HPSE2: variants seen among roughly 807,000 people sequenced by gnomAD.
HPSE2 encodes inactive heparanase-2.
In HPSE2, 38 loss-of-function variants were observed where a neutral mutation model predicts 60.5. The observed-to-expected ratio is 0.63, with a 90% CI of 0.48 to 0.82. HPSE2 has a LOEUF of 0.82. HPSE2 is among the 40% of genes least tolerant of loss of function. The pLI is 0.00. For missense variants in HPSE2, 713 were observed against 740.4 expected (o/e 0.96, Z 0.43); for synonymous variants, 295 against 293.2 (o/e 1.01, Z -0.06).
At chr10:99,179,839 T>C (rs1847688325) in intron 2 of HPSE2, among the ~76,000 whole-genome samples, 1 of 151,290 alleles carries the variant, frequency 6.6e-6, no homozygotes, top group African/African-American at 2.4e-5. Flanking sequence ...GCTGGAGGCA[T>C]CACACTACTT....
Position 98,721,769 on chromosome 10 carries a change from C to T in HPSE2, c.844G>A (p.Asp282Asn), listed in dbSNP as rs748986825. The T allele has an allele frequency of 6.2e-7, 1 of 1,613,670 alleles. No individual in the cohort carries two copies. The highest frequency in any genetic ancestry group is 8.5e-7 in the Non-Finnish European group (1 of 1,179,864). ...AACAGGCTCTTCAGCTGGATGTAAT[C>T]CTTTCCCAACTGGCTGCCATTTACT... The part of the protein sequence containing the change: ...RAVNGSQLGK[D>N]YIQLKSLLQP... Residue 282 changes from aspartate to asparagine, a missense_variant, in exon 5 of 12, where the codon GAT becomes AAT. Transcript: ENST00000370552.
At chr10:98,853,969 T>C (rs1423433118) in intron 3 of HPSE2, among the ~76,000 whole-genome samples, 1 of 152,210 alleles carries the variant, frequency 6.6e-6, no homozygotes, top group Non-Finnish European at 1.5e-5. Context: ...CTAAGTAGGC[T>C]GATCAGAAGT....
chr10:98,599,346 C>T (rs1945334148), intron 9 of HPSE2, among the ~76,000 whole-genome samples: 1 of 152,174 alleles, frequency 6.6e-6, no homozygotes, highest in Non-Finnish European at 1.5e-5. Context: ...ATCCTGATGG[C>T]TAAGACTGCA....
At chr10:99,266,737 A>G in the HPSE2 span, among the ~76,000 whole-genome samples, 5 of 152,304 alleles carry the variant, frequency 3.3e-5, no homozygotes, top group African/African-American at 1.2e-4. Context: ...AAACCCTGAC[A>G]GAGTCCATTT....
At chr10:99,100,389 T>C (rs1035939188) in intron 3 of HPSE2, among the ~76,000 whole-genome samples, 4 of 152,082 alleles carry the variant, frequency 2.6e-5, no homozygotes, top group African/African-American at 4.8e-5. Context: ...AGAAAGGGTA[T>C]CAGTGACTGA....
intron 9 of HPSE2, among the ~76,000 whole-genome samples, chr10:98,568,787 A>G (rs1944416806): frequency 6.6e-6 from 1 of 152,184 alleles, no homozygotes; most frequent in Non-Finnish European, 1.5e-5. Flanking sequence ...TTGAAGATTA[A>G]TGAGTCACTC....
intron 2 of HPSE2, among the ~76,000 whole-genome samples, chr10:99,196,443 T>C (rs1301783887): frequency 6.6e-6 from 1 of 151,952 alleles, no homozygotes; most frequent in Non-Finnish European, 1.5e-5. Context: ...GTAGAAAACA[T>C]TTACAAACTA....
At chr10:98,800,068 C>T (rs1381487154) in intron 3 of HPSE2, among the ~76,000 whole-genome samples, 1 of 151,780 alleles carries the variant, frequency 6.6e-6, no homozygotes, top group African/African-American at 2.4e-5. Context: ...AGGGAGAAGA[C>T]CCTAATAAAT....
At chr10:98,987,622 T>C (rs1379194180) in intron 3 of HPSE2, among the ~76,000 whole-genome samples, 1 of 152,074 alleles carries the variant, frequency 6.6e-6, no homozygotes, top group African/African-American at 2.4e-5. Flanking sequence ...CTATTCAACA[T>C]AATGTTGGAA....
At chr10:99,093,592 C>A (rs750529733) in intron 3 of HPSE2, among the ~76,000 whole-genome samples, 1 of 152,078 alleles carries the variant, frequency 6.6e-6, no homozygotes, top group African/African-American at 2.4e-5. Context: ...CAAGATGGTG[C>A]CTTGCATGCT....
At chr10:98,854,434 C>T (rs1259407657) in intron 3 of HPSE2, among the ~76,000 whole-genome samples, 3 of 152,146 alleles carry the variant, frequency 2.0e-5, no homozygotes, top group East Asian at 1.9e-4. Context: ...CATTTCTTTG[C>T]TTGTCAAGGC....
chr10:98,904,898 C>A (rs1344827064), intron 3 of HPSE2, among the ~76,000 whole-genome samples: 1 of 152,074 alleles, frequency 6.6e-6, no homozygotes, highest in African/African-American at 2.4e-5. Flanking sequence ...TGTAATATAC[C>A]AGAGTGAATA....
intron 3 of HPSE2, among the ~76,000 whole-genome samples, chr10:99,019,200 C>T (rs1430475795): frequency 6.6e-6 from 1 of 152,168 alleles, no homozygotes; most frequent in Non-Finnish European, 1.5e-5. Flanking sequence ...TGTTCCCAGC[C>T]TGCAATTGTG....
At chr10:98,837,601 G>C (rs899269654) in intron 3 of HPSE2, among the ~76,000 whole-genome samples, 1 of 152,154 alleles carries the variant, frequency 6.6e-6, no homozygotes, top group Non-Finnish European at 1.5e-5. Context: ...CCGGCCGGGC[G>C]TGGTGGCTCA....
At chr10:98,860,215 ATAT>A (rs1246123211) in intron 3 of HPSE2, among the ~76,000 whole-genome samples, 1 of 152,168 alleles carries the variant, frequency 6.6e-6, no homozygotes, top group East Asian at 1.9e-4. Flanking sequence ...TTCTTATAAA[ATAT>A]TATTACATTC....
intron 3 of HPSE2, among the ~76,000 whole-genome samples, chr10:98,983,379 G>A (rs765126980): frequency 2.0e-5 from 3 of 152,110 alleles, no homozygotes; most frequent in South Asian, 2.1e-4. Context: ...GGTTGCTGTC[G>A]CTGCAGAAAA....
intron 3 of HPSE2, among the ~76,000 whole-genome samples, chr10:98,956,485 G>C (rs535864290): frequency 6.6e-6 from 1 of 152,162 alleles, no homozygotes; most frequent in East Asian, 1.9e-4. Flanking sequence ...TAGATAGCTC[G>C]GGGCTATTGT....
intron 2 of HPSE2, among the ~76,000 whole-genome samples, chr10:99,232,122 T>C (rs527577364): frequency 6.6e-6 from 1 of 152,112 alleles, no homozygotes; most frequent in Admixed American, 6.5e-5. Context: ...AGTTCCACAC[T>C]GCAGTGTCTC....
intron 9 of HPSE2, among the ~76,000 whole-genome samples, chr10:98,511,569 T>TGG (rs1444705952): frequency 1.5e-5 from 1 of 68,168 alleles, no homozygotes; most frequent in Non-Finnish European, 3.4e-5. Context: ...TGTGTGTGTG[T>TGG]GTGTGTGTGT....
Sources: allele counts gnomAD v4.1 joint callset (sites outside exome capture counted in the v4.1 genomes callset), GRCh38; gene constraint gnomAD v4.1.1; transcripts MANE v1.5; gene names NCBI Gene and HGNC (gene_info 2026-07-23, HGNC 2026-07-21).